The following FHAD1 variants were observed in gnomAD, a reference collection of about 807,000 sequenced individuals.
FHAD1 encodes forkhead-associated domain-containing protein 1.
A neutral mutation model predicts 191.3 loss-of-function variants in FHAD1; 146 were observed. The ratio of observed to expected loss-of-function variants is 0.76; its 90% CI spans 0.67 to 0.88. FHAD1 has a LOEUF of 0.88. FHAD1 is among the 40% of genes least tolerant of loss of function. The pLI is 0.00. For synonymous variants in FHAD1, 616 were observed against 672.3 expected, an observed-to-expected ratio of 0.92 and a Z score of 1.29; for missense variants, 1,635 against 1,785.8, an observed-to-expected ratio of 0.92 and a Z score of 1.52.
chr1:15,396,910 T>C (rs182200954), intron 33 of FHAD1, among the ~76,000 whole-genome samples: 3 of 150,862 alleles, frequency 2.0e-5, no homozygotes, highest in African/African-American at 7.3e-5. Context: ...TAAGGCTGGG[T>C]GCGGTGGCTC....
chr1:15,279,563 A>G (rs1463620957), intron 3 of FHAD1, among the ~76,000 whole-genome samples: 1 of 151,394 alleles, frequency 6.6e-6, no homozygotes, highest in Non-Finnish European at 1.5e-5. Flanking sequence ...TCAAAAAAAA[A>G]AAAAAAAAAA....
intron 14 of FHAD1, among the ~76,000 whole-genome samples, chr1:15,333,877 G>T (rs1424070992): frequency 8.6e-6 from 1 of 116,312 alleles, no homozygotes; most frequent in African/African-American, 3.4e-5. Flanking sequence ...TTGTTGCCCA[G>T]ACTGGAGTGC....
At chr1:15,280,536 G>A (rs1215400936) in intron 3 of FHAD1, among the ~76,000 whole-genome samples, 1 of 152,096 alleles carries the variant, frequency 6.6e-6, no homozygotes, top group African/African-American at 2.4e-5. Flanking sequence ...AGGGAGGAGC[G>A]CAGGTGGAAG....
chr1:15,274,288 G>A (rs1657380961), intron 3 of FHAD1, among the ~76,000 whole-genome samples: 1 of 152,162 alleles, frequency 6.6e-6, no homozygotes, highest in African/African-American at 2.4e-5. Context: ...CTTCACTTCT[G>A]AAGGAGCAAA....
At chr1:15,301,118 C>T in intron 5 of FHAD1, 87 bp from the exon 6 acceptor site, 1 of 1,203,186 alleles carries the variant, frequency 8.3e-7, no homozygotes, top group Admixed American at 2.3e-5. Flanking sequence ...GCGTGAGCCA[C>T]CGCACCCGGC....
chr1:15,329,246 T>G lies in FHAD1; in HGVS notation c.1711-100T>G, dbSNP rs1680239374. The G allele has an allele frequency of 4.0e-6, 4 of 999,150 alleles. No individual in the cohort carries two copies. Among genetic ancestry groups the G allele is most frequent in the Non-Finnish European group, 5.6e-6 (4 of 708,414 alleles). 61.9% of individuals were successfully genotyped at this position (999,150 alleles called of 1,614,324 possible). On this transcript the variant is annotated intron_variant, in intron 13 of 33. Transcript: ENST00000688493. The surrounding 1 kb of genome is among the most constrained non-coding windows in gnomAD (Gnocchi z 5.0). ...AAGGCGGCCAATACGTGGCGCTGCC[T>G]GCTTCGTGGCAGAGTCAAGAACGCT...
At chr1:15,295,868 A>C (rs984845546) in intron 4 of FHAD1, among the ~76,000 whole-genome samples, 2 of 152,236 alleles carry the variant, frequency 1.3e-5, no homozygotes, top group African/African-American at 4.8e-5. Flanking sequence ...TACATATGTG[A>C]ATAACTGTGG....
intron 21 of FHAD1, among the ~76,000 whole-genome samples, chr1:15,359,953 A>G (rs1289909111): frequency 6.7e-6 from 1 of 149,010 alleles, no homozygotes; most frequent in Admixed American, 6.7e-5. Flanking sequence ...CCGTCTCAAG[A>G]AAAAAAAAAA....
In FHAD1 at chr1:15,249,290, T is replaced by TA. The variant is rs34278950; in HGVS notation, c.-15+1910dup. 6.7e-3 allele frequency among the ~76,000 whole-genome samples: 892 copies of TA among 133,730 alleles called. 2 individuals carry two copies. Among genetic ancestry groups the TA allele is most frequent in the Middle Eastern group, 0.022 (6 of 268 alleles). The allele number at this position is 133,730 out of a possible 152,430, so 87.7% of individuals were successfully genotyped here. On this transcript the variant is annotated intron_variant, in intron 1 of 33. Coordinates refer to ENST00000688493, the MANE Select transcript of FHAD1 (RefSeq NM_001391957.1). ...CTGTGGAAACATCGGGGGGAAGAGC[T>TA]AAAAAAAAAAAAAAAGCCAGTCATT...
intron 23 of FHAD1, among the ~76,000 whole-genome samples, chr1:15,364,670 C>T (rs987561436): frequency 6.6e-6 from 1 of 152,100 alleles, no homozygotes; most frequent in African/African-American, 2.4e-5. Context: ...TTTCAAAAGC[C>T]TGTGAACTCA....
At chr1:15,263,412 C>T (rs927363738) in intron 2 of FHAD1, among the ~76,000 whole-genome samples, 1 of 136,200 alleles carries the variant, frequency 7.3e-6, no homozygotes, top group African/African-American at 2.7e-5. Context: ...TCTATGTTTT[C>T]TTTTAAGGGT....
chr1:15,396,808 T>C (rs1047674568), intron 33 of FHAD1, among the ~76,000 whole-genome samples: 1 of 151,412 alleles, frequency 6.6e-6, no homozygotes, highest in African/African-American at 2.4e-5. Flanking sequence ...AGACTCTGTC[T>C]CAAAAAATAA....
rs1478946898 is a variant in FHAD1 at position 15,341,802 on chromosome 1, G to T, written c.2044G>T (p.Ala682Ser). 1.3e-6 allele frequency: 2 copies of T among 1,551,722 alleles called. No individual in the cohort carries two copies. Among genetic ancestry groups the T allele is most frequent in the Non-Finnish European group, 1.7e-6 (2 of 1,146,926 alleles). ...LLQEKLREHLAEKEKLNEERL... is the reference protein window; with the variant it reads ...LLQEKLREHLSEKEKLNEERL... Reference sequence around the variant, plus strand: ...GCAGGAAAAGCTGCGGGAGCATCTGGCAGAGAAGGAGAAGCTGAACGAGGA... The same window carrying T: ...GCAGGAAAAGCTGCGGGAGCATCTGTCAGAGAAGGAGAAGCTGAACGAGGA... The change falls in exon 16 of 34, where the codon GCA (alanine) becomes TCA (serine). Residue 682 changes from alanine to serine, a missense_variant. Physicochemically the swap from Ala to Ser is moderately conservative, Grantham distance 99. Coordinates refer to ENST00000688493, the MANE Select transcript of FHAD1 (RefSeq NM_001391957.1).
At chr1:15,267,038 A>G (rs1435162437) in intron 2 of FHAD1, among the ~76,000 whole-genome samples, 2 of 152,234 alleles carry the variant, frequency 1.3e-5, no homozygotes, top group African/African-American at 4.8e-5. Flanking sequence ...ATAAACATGC[A>G]TCCAAAATAA....
Position 15,375,613 on chromosome 1 carries a change from C to T in FHAD1, c.3588C>T (p.Asp1196=), listed in dbSNP as rs748793074. The T allele has an allele frequency of 6.5e-7, 1 of 1,533,816 alleles. No individual in the cohort carries two copies. Among genetic ancestry groups the T allele is most frequent in the African/African-American group, 1.4e-5 (1 of 71,856 alleles). ...LEKARSPDHK[D]HQNESFLDLK... ...TTATTTCTTTTACAGATCATAAAGA[C>T]CACCAGAATGAATCATTTCTAGATT... is the stretch of plus-strand genomic sequence containing the variant. Residue 1196 remains aspartate (D), a synonymous_variant, in exon 28 of 34, where the codon GAC becomes GAT. Transcript: ENST00000688493.
At chr1:15,373,931 A>G (rs977683123) in intron 26 of FHAD1, among the ~76,000 whole-genome samples, 3 of 152,234 alleles carry the variant, frequency 2.0e-5, no homozygotes, top group Admixed American at 1.3e-4. Flanking sequence ...AGGATGGTCC[A>G]TCTGGGTCTA....
At chr1:15,272,184 C>G in intron 2 of FHAD1, 139 bp from the exon 3 acceptor site, 1 of 778,902 alleles carries the variant, frequency 1.3e-6, no homozygotes, top group African/African-American at 1.7e-5. Context: ...CCTCTCTGAT[C>G]CTCAGCCTCC....
chr1:15,387,449 C>CTCTT (rs1434532245), intron 31 of FHAD1, among the ~76,000 whole-genome samples: 5 of 152,070 alleles, frequency 3.3e-5, no homozygotes, highest in Admixed American at 3.3e-4. Flanking sequence ...TAGAAGATGG[C>CTCTT]TCAAGAAAAA....
chr1:15,320,568 T>G (rs1675916523), intron 10 of FHAD1, among the ~76,000 whole-genome samples: 2 of 152,216 alleles, frequency 1.3e-5, no homozygotes. Flanking sequence ...TTTCATTACT[T>G]CCTATCGAAT....
Sources: allele counts gnomAD v4.1 joint callset (sites outside exome capture counted in the v4.1 genomes callset), GRCh38; gene constraint gnomAD v4.1.1; non-coding constraint Gnocchi (gnomAD v3.1); transcripts MANE v1.5; gene names NCBI Gene and HGNC (gene_info 2026-07-23, HGNC 2026-07-21).